The following KAZN variants were observed in gnomAD, a reference collection of about 807,000 sequenced individuals.
KAZN encodes kazrin.
KAZN carries 40 observed loss-of-function variants against 87.4 expected under a neutral mutation model. The observed-to-expected ratio is 0.46, with a 90% CI of 0.36 to 0.60. The LOEUF (loss-of-function observed/expected upper bound fraction) is 0.60. Among genes scored for constraint, KAZN ranks in the 20% least tolerant of loss-of-function variants. KAZN has a pLI of 0.00. For synonymous variants in KAZN, 466 were observed against 458.3 expected (o/e 1.02, Z -0.22); for missense variants, 898 against 1,073.9 (o/e 0.84, Z 2.29).
At chr1:14,144,130 C>T (rs547858353) in intron 1 of KAZN, among the ~76,000 whole-genome samples, 1 of 152,262 alleles carries the variant, frequency 6.6e-6, no homozygotes, top group South Asian at 2.1e-4. Context: ...TTTACTTTCC[C>T]TTCCTAAATG....
chr1:14,831,620 C>T (rs1030870050), intron 1 of KAZN, among the ~76,000 whole-genome samples: 4 of 152,200 alleles, frequency 2.6e-5, no homozygotes, highest in African/African-American at 9.7e-5. Context: ...TATTAGTGCT[C>T]TCAATCTGAC....
Position 14,372,065 on chromosome 1 carries a change from G to T in KAZN, c.249+191473G>T, listed in dbSNP as rs72869039. 4.2e-3 allele frequency among the ~76,000 whole-genome samples: 636 copies of T among 152,220 alleles called. 8 individuals are homozygous for T. Among genetic ancestry groups the T allele is most frequent in the African/African-American group, 0.015 (604 of 41,544 alleles). On this transcript the variant is annotated intron_variant, in intron 2 of 16. Transcript: ENST00000636203. The stretch of plus-strand genomic sequence containing the variant: ...CTTATTAGCTTCAATTTTTCATTTT[G>T]GTAGATCTGAACAGACTGAAAACAA...
At chr1:14,891,984 A>G (rs1409432098) in intron 1 of KAZN, among the ~76,000 whole-genome samples, 1 of 152,068 alleles carries the variant, frequency 6.6e-6, no homozygotes, top group Non-Finnish European at 1.5e-5. Flanking sequence ...GCCTGTTGCT[A>G]TGACCCAGAA....
intron 1 of KAZN, among the ~76,000 whole-genome samples, chr1:13,942,226 A>G (rs6656830): frequency 0.14 from 21,049 of 151,890 alleles, 1,539 homozygotes; most frequent in Middle Eastern, 0.22. Flanking sequence ...AAAGCAGAAC[A>G]AATTTTTTTT....
intron 1 of KAZN, among the ~76,000 whole-genome samples, chr1:14,609,766 A>C (rs900117305): frequency 2.6e-5 from 4 of 152,252 alleles, no homozygotes; most frequent in African/African-American, 9.6e-5. Context: ...CAAGTGGTCC[A>C]TGTGATTGAA....
intron 1 of KAZN, among the ~76,000 whole-genome samples, chr1:13,943,062 T>A (rs1379525112): frequency 6.6e-6 from 1 of 152,206 alleles, no homozygotes; most frequent in Admixed American, 6.5e-5. Context: ...GAAGAGATAC[T>A]GGCCAAGATT....
At chr1:14,961,834 G>C (rs1054051771) in intron 2 of KAZN, among the ~76,000 whole-genome samples, 2 of 152,200 alleles carry the variant, frequency 1.3e-5, no homozygotes, top group Admixed American at 1.3e-4. Context: ...CTGTAACAAA[G>C]AGACCCCAAA....
At chr1:14,508,428 C>T (rs576947376) in intron 2 of KAZN, among the ~76,000 whole-genome samples, 87 of 152,168 alleles carry the variant, frequency 5.7e-4, no homozygotes, top group Non-Finnish European at 1.1e-3. Flanking sequence ...GCAGATTCTA[C>T]GGGTAACGTT....
At chr1:14,576,717 CTAAA>C (rs1373050166) in intron 2 of KAZN, among the ~76,000 whole-genome samples, 3 of 152,096 alleles carry the variant, frequency 2.0e-5, no homozygotes, top group African/African-American at 7.2e-5. Flanking sequence ...AGACACCTCT[CTAAA>C]TAGGAACTTT....
chr1:14,824,696 G>A lies in KAZN; in HGVS notation c.227-135988G>A, dbSNP rs148961425. On this transcript the variant is annotated intron_variant, in intron 1 of 14. Transcript: ENST00000376030. Reference sequence around the variant, plus strand: ...TATTTATGTTACTGTGATCATCATCGTCATCATCATCATCATCTTCATGAC... The same window carrying A: ...TATTTATGTTACTGTGATCATCATCATCATCATCATCATCATCTTCATGAC... Among the ~76,000 whole-genome samples, 78 of 152,232 alleles carry A rather than the reference G, an allele frequency of 5.1e-4. No homozygotes were observed. In the East Asian group the frequency reaches 5.6e-3, roughly 11 times the overall value.
At chr1:14,163,970 G>A (rs10803469) in intron 1 of KAZN, among the ~76,000 whole-genome samples, 17,498 of 152,120 alleles carry the variant, frequency 0.12, 1,115 homozygotes, top group East Asian at 0.32. Flanking sequence ...CATCTTCTGA[G>A]GGTACTTTAG....
At chr1:14,671,487 CAT>C (rs2148737307) in intron 1 of KAZN, among the ~76,000 whole-genome samples, 1 of 146,762 alleles carries the variant, frequency 6.8e-6, no homozygotes, top group Admixed American at 6.7e-5. Flanking sequence ...ATTCACAAAA[CAT>C]ATTAAAGACC....
intron 1 of KAZN, among the ~76,000 whole-genome samples, chr1:13,902,602 T>G (rs768862242): frequency 6.6e-6 from 1 of 152,030 alleles, no homozygotes; most frequent in African/African-American, 2.4e-5. Context: ...AAAATACAGG[T>G]AGGTAGAAGG....
intron 1 of KAZN, among the ~76,000 whole-genome samples, chr1:14,126,251 C>T (rs1644862969): frequency 1.3e-5 from 2 of 152,092 alleles, no homozygotes; most frequent in Admixed American, 6.5e-5. Context: ...GTGGGTTTCC[C>T]TAGGGGAAGC....
At chr1:14,293,342 T>C (rs568950131) in intron 2 of KAZN, among the ~76,000 whole-genome samples, 3 of 152,328 alleles carry the variant, frequency 2.0e-5, no homozygotes, top group Admixed American at 6.5e-5. Flanking sequence ...CATCTGGCAT[T>C]TTCCCTCAGC....
intron 2 of KAZN, among the ~76,000 whole-genome samples, chr1:14,982,417 A>ATTTTTTT (rs71000353): frequency 4.6e-5 from 3 of 64,828 alleles, no homozygotes; most frequent in African/African-American, 7.9e-5. Flanking sequence ...AGCACCTGAG[A>ATTTTTTT]TTTTTTTTTT....
chr1:14,532,934 T>A (rs1212037912), intron 2 of KAZN, among the ~76,000 whole-genome samples: 6 of 152,118 alleles, frequency 3.9e-5, no homozygotes, highest in African/African-American at 1.4e-4. Flanking sequence ...TAAACATACG[T>A]GTGCATGTGT....
chr1:14,764,790 G>A (rs922572762), intron 1 of KAZN, among the ~76,000 whole-genome samples: 5 of 152,178 alleles, frequency 3.3e-5, no homozygotes, highest in Non-Finnish European at 7.3e-5. Context: ...AGAGGCCAGA[G>A]GGAAGGATTC....
rs771765033 is a variant in KAZN at position 15,044,127 on chromosome 1, C to A, written c.694C>A (p.Arg232=). 3.7e-6 allele frequency: 6 copies of A among 1,610,100 alleles called. No individual in the cohort carries two copies. The Middle Eastern group carries it at 5.2e-4, about 140-fold the overall frequency. ...LRSQLDLKDN[R]MKELEAELAM... ...CTCCCAGCTGGACCTCAAGGACAACCGGATGAAGGAGCTGGAGGCCGAGCT... is the reference window on the plus strand; with the variant it reads ...CTCCCAGCTGGACCTCAAGGACAACAGGATGAAGGAGCTGGAGGCCGAGCT... The change falls in exon 4 of 15, where the codon CGG becomes AGG. Residue 232 remains arginine, a synonymous_variant. Coordinates refer to ENST00000376030, the MANE Select transcript of KAZN (RefSeq NM_201628.3).
Sources: allele counts gnomAD v4.1 joint callset (sites outside exome capture counted in the v4.1 genomes callset), GRCh38; gene constraint gnomAD v4.1.1; transcripts MANE v1.5; gene names NCBI Gene and HGNC (gene_info 2026-07-23, HGNC 2026-07-21).